Variants in NCALD observed in about 807,000 individuals in gnomAD.
NCALD encodes the protein neurocalcin delta.
A neutral mutation model predicts 18.6 loss-of-function variants in NCALD; 10 were observed. The ratio of observed to expected loss-of-function variants is 0.54; its 90% CI spans 0.33 to 0.91. The LOEUF is 0.91. Ranked by LOEUF, NCALD falls within the 40% of genes least tolerant of loss-of-function variation. The pLI is 0.03. For synonymous variants in NCALD, 88 were observed against 87.4 expected (o/e 1.01, Z -0.04); for missense variants, 184 against 247.6 (o/e 0.74, Z 1.72).
intron 2 of NCALD, chr8:101,975,360 T>G (rs559262139): frequency 1.3e-5 from 2 of 152,212 alleles, no homozygotes; most frequent in Non-Finnish European, 2.9e-5. Flanking sequence ...TGTTGAACTA[T>G]GGCTCTCTAA....
intron 2 of NCALD, among the ~76,000 whole-genome samples, chr8:101,930,363 A>G (rs1159280424): frequency 1.3e-5 from 2 of 152,196 alleles, no homozygotes; most frequent in South Asian, 2.1e-4. Context: ...CTGCTGATCA[A>G]TGCTACAGAG....
chr8:101,886,588 C>T (rs965307217), intron 4 of NCALD, among the ~76,000 whole-genome samples: 8 of 152,164 alleles, frequency 5.3e-5, no homozygotes, highest in Non-Finnish European at 8.8e-5. Context: ...GCTTTTGAGA[C>T]TCATATCAAC....
intron 2 of NCALD, among the ~76,000 whole-genome samples, chr8:101,695,426 A>T (rs150387796): frequency 4.6e-5 from 7 of 152,274 alleles, no homozygotes; most frequent in Admixed American, 2.0e-4. Context: ...GACTGGCCAT[A>T]GGAGGTGTCT....
intron 4 of NCALD, among the ~76,000 whole-genome samples, chr8:101,851,543 A>T (rs186612294): frequency 1.3e-5 from 2 of 152,304 alleles, no homozygotes; most frequent in East Asian, 3.9e-4. Context: ...AATTAAAATA[A>T]ATGATGGCAA....
At chr8:101,901,886 G>T (rs1000370893) in intron 3 of NCALD, among the ~76,000 whole-genome samples, 1 of 151,970 alleles carries the variant, frequency 6.6e-6, no homozygotes, top group Non-Finnish European at 1.5e-5. Flanking sequence ...TGCCTCCTGA[G>T]TTCAAGTGAT....
At chr8:101,811,023 C>T (rs1185465295) in intron 4 of NCALD, among the ~76,000 whole-genome samples, 2 of 152,016 alleles carry the variant, frequency 1.3e-5, no homozygotes, top group African/African-American at 4.8e-5. Context: ...AGGAAGCAGC[C>T]ATCAATATTG....
At chr8:101,957,018 T>C (rs1695263864) in intron 2 of NCALD, among the ~76,000 whole-genome samples, 1 of 152,202 alleles carries the variant, frequency 6.6e-6, no homozygotes, top group African/African-American at 2.4e-5. Flanking sequence ...AGGAAAGGTT[T>C]CTTCCTTAAT....
chr8:101,859,099 C>T lies in NCALD; in HGVS notation c.-20+28042G>A, dbSNP rs140252485. Among the ~76,000 whole-genome samples the T allele has an allele frequency of 5.3e-5, 8 of 152,174 alleles. No homozygotes were observed. In the East Asian group the frequency reaches 1.4e-3, roughly 26 times the overall value. On this transcript the variant is annotated intron_variant, in intron 4 of 6. Transcript: ENST00000311028. ...GACCCACCCTCAATCTGGGTGGGCACCATCTAATCAGCTGCCAGCATGGCT... is the reference window on the plus strand; with the variant it reads ...GACCCACCCTCAATCTGGGTGGGCATCATCTAATCAGCTGCCAGCATGGCT...
rs183143055 is a variant in NCALD, at chr8:101,836,120, C to A, written c.-20+51021G>T. On this transcript the variant is annotated intron_variant, in intron 4 of 6. Coordinates refer to the NCALD transcript ENST00000311028. Reference sequence around the variant, plus strand: ...GTTTGCGGAGGCCTCTCTTTTCCAACTGAAGAGCCAGGATAAACACCATCA... The same window carrying A: ...GTTTGCGGAGGCCTCTCTTTTCCAAATGAAGAGCCAGGATAAACACCATCA... 1.8e-4 allele frequency among the ~76,000 whole-genome samples: 27 copies of A among 152,232 alleles called. 1 individual carries two copies. Among genetic ancestry groups the A allele is most frequent in the African/African-American group, 6.5e-4 (27 of 41,518 alleles).
At chr8:102,106,468 C>CATATAT (rs1825458002) in intron 1 of NCALD, among the ~76,000 whole-genome samples, 1 of 127,692 alleles carries the variant, frequency 7.8e-6, no homozygotes, top group Non-Finnish European at 1.7e-5. Context: ...TATATATATA[C>CATATAT]ACACACACAC....
chr8:101,941,195 G>A (rs1226546168), intron 2 of NCALD, among the ~76,000 whole-genome samples: 1 of 152,196 alleles, frequency 6.6e-6, no homozygotes, highest in Non-Finnish European at 1.5e-5. Flanking sequence ...TTGTTTCCTG[G>A]AAGACAATTT....
intron 3 of NCALD, among the ~76,000 whole-genome samples, chr8:101,903,757 T>C (rs1020509882): frequency 6.6e-6 from 1 of 152,154 alleles, no homozygotes; most frequent in Non-Finnish European, 1.5e-5. Flanking sequence ...GGCTAAGAGA[T>C]TGTGGCTGTT....
chr8:102,028,340 A>G (rs1822536257), intron 1 of NCALD, among the ~76,000 whole-genome samples: 1 of 152,338 alleles, frequency 6.6e-6, no homozygotes, highest in East Asian at 1.9e-4. Context: ...TTTTCTATCA[A>G]CTTTTCTGTA....
At chr8:101,847,080 T>C (rs951284585) in intron 4 of NCALD, among the ~76,000 whole-genome samples, 1 of 152,200 alleles carries the variant, frequency 6.6e-6, no homozygotes, top group African/African-American at 2.4e-5. Flanking sequence ...GAAGGGTCCC[T>C]GTGACACAGT....
intron 4 of NCALD, among the ~76,000 whole-genome samples, chr8:101,858,996 A>T (rs1002981098): frequency 6.6e-6 from 1 of 152,200 alleles, no homozygotes; most frequent in African/African-American, 2.4e-5. Context: ...TGAAGGATGC[A>T]AAGTATCATT....
chr8:101,753,284 G>A (rs1450071588), intron 1 of NCALD, among the ~76,000 whole-genome samples: 1 of 152,200 alleles, frequency 6.6e-6, no homozygotes, highest in African/African-American at 2.4e-5. Context: ...GATAAGAAGA[G>A]AGAGAAGGAA....
At chr8:101,735,722 T>G (rs1214506823) in intron 1 of NCALD, among the ~76,000 whole-genome samples, 1 of 152,214 alleles carries the variant, frequency 6.6e-6, no homozygotes, top group East Asian at 1.9e-4. Flanking sequence ...TCCTTCAGAT[T>G]CCTTTGTGTT....
intron 1 of NCALD, among the ~76,000 whole-genome samples, chr8:101,746,549 T>A (rs1810432442): frequency 1.3e-5 from 2 of 152,170 alleles, no homozygotes; most frequent in Non-Finnish European, 2.9e-5. Flanking sequence ...TCATAGCTGC[T>A]CATATTGATT....
intron 3 of NCALD, among the ~76,000 whole-genome samples, chr8:101,904,792 C>T (rs1277737412): frequency 6.6e-6 from 1 of 152,160 alleles, no homozygotes; most frequent in East Asian, 1.9e-4. Context: ...TCCAGGTTGC[C>T]AAACGCAATG....
Sources: gnomAD v4.1 joint callset for allele counts (sites outside exome capture counted in the v4.1 genomes callset) on GRCh38, gnomAD v4.1.1 for gene constraint, MANE v1.5 for transcripts, NCBI Gene and HGNC (gene_info 2026-07-23, HGNC 2026-07-21) for gene names.